DNASE2B: variants seen among roughly 807,000 people sequenced by gnomAD.
DNASE2B encodes deoxyribonuclease-2-beta.
Under a neutral mutation model 46.0 loss-of-function variants are expected in DNASE2B, and 43 were observed. That is an observed-to-expected ratio of 0.94 (90% CI 0.73 to 1.21). The LOEUF (loss-of-function observed/expected upper bound fraction) is 1.21. Ranked by LOEUF, DNASE2B falls within the 50% of genes most tolerant of loss-of-function variation. The probability of loss-of-function intolerance (pLI) is 0.00; values close to 1 mark genes in which losing one functional copy is unlikely to be tolerated. For synonymous variants in DNASE2B, 156 were observed against 152.5 expected, an observed-to-expected ratio of 1.02 and a Z score of -0.17; for missense variants, 395 against 414.4, an observed-to-expected ratio of 0.95 and a Z score of 0.41.
Position 84,414,881 on chromosome 1 carries a change from G to T in DNASE2B, c.*13G>T. On this transcript the variant is annotated 3_prime_UTR_variant, in exon 6 of 6. Transcript: ENST00000370665. ...AAGCTGTAAGTAAACTTGGTGAAAG[G>T]ACACAGGTACTATCATTGAAAACCT... 6.3e-7 allele frequency: 1 copy of T among 1,587,926 alleles called. No homozygotes were observed. Among genetic ancestry groups the T allele is most frequent in the South Asian group, 1.1e-5 (1 of 88,896 alleles).
rs747665428 is a variant in DNASE2B at position 84,410,968 on chromosome 1, A to G, written c.516A>G (p.Ile172Met). The G allele has an allele frequency of 6.8e-6, 11 of 1,612,008 alleles. No homozygotes were observed. In the East Asian group the frequency reaches 2.0e-4, roughly 29 times the overall value. ...GAAATGGACAAAGTGGCATCTGCAT[A>G]ACTTTCAAGTACAACCAGTATGAGG... ...GRRNGQSGIC[I>M]TFKYNQYEAI... The change falls in exon 4 of 6, where the codon ATA becomes ATG. Residue 172 changes from isoleucine to methionine, a missense_variant. Ile to Met is a conservative substitution (Grantham distance 10). Transcript: ENST00000370665.
chr1:84,410,989 T>G lies in DNASE2B; in HGVS notation c.537T>G (p.Tyr179Ter). The G allele has an allele frequency of 6.2e-7, 1 of 1,608,428 alleles. No homozygotes were observed. ...GCATAACTTTCAAGTACAACCAGTA[T>G]GAGGCAATAGGTAAAACTAAAGTAT... ...GICITFKYNQ[Y>*]EAIDSQLLVC... is the part of the protein sequence containing the mutation. Residue 179 changes from tyrosine to a stop codon, truncating the protein, a stop_gained, in exon 4 of 6, where the codon TAT becomes TAG. Transcript: ENST00000370665. LOFTEE classifies it high-confidence loss of function.
At chr1:84,398,798 T>C in intron 1 of DNASE2B, 109 bp downstream of exon 1, 2 of 1,476,868 alleles carry the variant, frequency 1.4e-6, no homozygotes, top group South Asian at 1.3e-5. Flanking sequence ...TTCCTCCCTT[T>C]ACAAATAAAG....
At chr1:84,414,204 C>T (rs1196321629) in intron 5 of DNASE2B, among the ~76,000 whole-genome samples, 3 of 152,178 alleles carry the variant, frequency 2.0e-5, no homozygotes, top group Non-Finnish European at 4.4e-5. Flanking sequence ...TCCCTAGAAA[C>T]TGGCCCTAAT....
Position 84,410,907 on chromosome 1 carries a change from C to T in DNASE2B, c.455C>T (p.Pro152Leu), listed in dbSNP as rs751967935. 29 of 1,613,110 alleles carry T rather than the reference C, an allele frequency of 1.8e-5. No homozygotes were observed. The highest frequency in any genetic ancestry group is 7.7e-5 in the South Asian group (7 of 90,868). The part of the protein sequence containing the change: ...IHSIPQFPPI[P>L]EEGYDYPPTG... Reference sequence around the variant, plus strand: ...TCCATCCCTCAGTTTCCTCCAATTCCGGAAGAAGGCTATGATTATCCACCC... The same window carrying T: ...TCCATCCCTCAGTTTCCTCCAATTCTGGAAGAAGGCTATGATTATCCACCC... Residue 152 changes from proline (P) to leucine (L), a missense_variant, in exon 4 of 6, where the codon CCG becomes CTG. Pro to Leu is a moderately conservative substitution (Grantham distance 98). Coordinates refer to ENST00000370665, the MANE Select transcript of DNASE2B (RefSeq NM_021233.3).
At chr1:84,404,408 G>GTT (rs911941516) in intron 2 of DNASE2B, among the ~76,000 whole-genome samples, 3 of 152,166 alleles carry the variant, frequency 2.0e-5, no homozygotes, top group African/African-American at 7.2e-5. Flanking sequence ...GGAATGTATT[G>GTT]TTTTGGGCTT....
At chr1:84,403,209 C>T (rs565526907) in intron 2 of DNASE2B, among the ~76,000 whole-genome samples, 37 of 152,264 alleles carry the variant, frequency 2.4e-4, no homozygotes, top group Middle Eastern at 3.4e-3. Context: ...GTAGGGGTGC[C>T]GGCCCTCATG....
intron 1 of DNASE2B, 21 bp from the exon 2 acceptor site, chr1:84,401,880 C>T (rs41293023): frequency 0.023 from 33,816 of 1,456,922 alleles, 482 homozygotes; most frequent in Non-Finnish European, 0.025. Flanking sequence ...GTTAGTAATT[C>T]ATAATCATTT....
intron 3 of DNASE2B, among the ~76,000 whole-genome samples, chr1:84,409,189 C>T (rs563816015): frequency 1.4e-3 from 206 of 152,186 alleles, no homozygotes; most frequent in South Asian, 3.9e-3. Flanking sequence ...TCTACTTTTT[C>T]TAAAATACAT....
In DNASE2B at chr1:84,398,866, G is replaced by A. The variant is rs141295103; in HGVS notation, c.125+177G>A. Among the ~76,000 whole-genome samples, 19 of 152,300 alleles carry A rather than the reference G, an allele frequency of 1.2e-4. No individual in the cohort carries two copies. The East Asian group carries it at 3.5e-3, about 28-fold the overall frequency. ...AGGCAGGGGTAGGCTTCTGAGTGACGGAGTTTCCCCCTGAAAAAGAGCTGA... is the reference window on the plus strand; with the variant it reads ...AGGCAGGGGTAGGCTTCTGAGTGACAGAGTTTCCCCCTGAAAAAGAGCTGA... On this transcript the variant is annotated intron_variant, in intron 1 of 5. Coordinates refer to ENST00000370665, the MANE Select transcript of DNASE2B (RefSeq NM_021233.3).
chr1:84,399,546 A>G (rs1680364007), intron 1 of DNASE2B, among the ~76,000 whole-genome samples: 1 of 152,230 alleles, frequency 6.6e-6, no homozygotes, highest in Non-Finnish European at 1.5e-5. Context: ...AAACTTCTCT[A>G]AGGATGTAAT....
chr1:84,402,140 C>A, intron 2 of DNASE2B, 62 bp downstream of exon 2: 1 of 1,493,758 alleles, frequency 6.7e-7, no homozygotes, highest in Non-Finnish European at 8.9e-7. Flanking sequence ...GAATCCAAAG[C>A]CTTCACCAGA....
chr1:84,411,327 T>C (rs911813490), intron 4 of DNASE2B, among the ~76,000 whole-genome samples: 1 of 151,962 alleles, frequency 6.6e-6, no homozygotes, highest in African/African-American at 2.4e-5. Flanking sequence ...TCACCTAGCT[T>C]CCCTTAAAGC....
At chr1:84,400,304 G>T (rs879368994) in intron 1 of DNASE2B, among the ~76,000 whole-genome samples, 1 of 152,068 alleles carries the variant, frequency 6.6e-6, no homozygotes, top group Admixed American at 6.5e-5. Context: ...GGAGGCGGAG[G>T]TTGTGGTGAA....
chr1:84,403,746 A>G (rs78819885), intron 2 of DNASE2B, among the ~76,000 whole-genome samples: 163 of 152,268 alleles, frequency 1.1e-3, no homozygotes, highest in African/African-American at 3.8e-3. Flanking sequence ...CAGTGCCCGT[A>G]TCACAGAAGG....
intron 1 of DNASE2B, among the ~76,000 whole-genome samples, chr1:84,401,052 G>A (rs934125219): frequency 5.3e-5 from 8 of 152,188 alleles, no homozygotes; most frequent in Non-Finnish European, 7.3e-5. Flanking sequence ...GGTGCACTGT[G>A]AGTGTTTAGG....
intron 4 of DNASE2B, among the ~76,000 whole-genome samples, chr1:84,411,842 C>T (rs148833261): frequency 3.3e-5 from 5 of 152,122 alleles, no homozygotes; most frequent in African/African-American, 1.2e-4. Context: ...GTAATGATGC[C>T]GAATATCACA....
chr1:84,401,512 C>A lies in DNASE2B; in HGVS notation c.126-389C>A, dbSNP rs78425124. On this transcript the variant is annotated intron_variant, in intron 1 of 5. Coordinates refer to ENST00000370665, the MANE Select transcript of DNASE2B (RefSeq NM_021233.3). ...CAGCTTATGACAGGGGCTCAAAGTA[C>A]CTTCCACCTCTCCTGAAGCCCAAAC... is the stretch of plus-strand genomic sequence containing the variant. Among the ~76,000 whole-genome samples the A allele has an allele frequency of 2.9e-3, 444 of 152,282 alleles. 3 individuals are homozygous for A. The highest frequency in any genetic ancestry group is 1.0e-2 in the African/African-American group (415 of 41,544).
At chr1:84,400,079 T>C (rs1163955873) in intron 1 of DNASE2B, among the ~76,000 whole-genome samples, 1 of 152,060 alleles carries the variant, frequency 6.6e-6, no homozygotes, top group Admixed American at 6.6e-5. Context: ...AAGAAATAAT[T>C]TTAGGTTGGC....
Sources: gnomAD v4.1 joint callset for allele counts (sites outside exome capture counted in the v4.1 genomes callset) on GRCh38, gnomAD v4.1.1 for gene constraint, MANE v1.5 for transcripts, NCBI Gene and HGNC (gene_info 2026-07-23, HGNC 2026-07-21) for gene names.